The following SEZ6 variants were observed in gnomAD, a reference collection of about 807,000 sequenced individuals.
The protein encoded by SEZ6 is seizure related 6 homolog, also known as seizure protein 6 homolog.
Under a neutral mutation model 101.0 loss-of-function variants are expected in SEZ6, and 53 were observed. That is an observed-to-expected ratio of 0.52 (90% confidence interval 0.42 to 0.66). The LOEUF (loss-of-function observed/expected upper bound fraction) is 0.66. Among genes scored for constraint, SEZ6 ranks in the 30% least tolerant of loss-of-function variants. The probability of loss-of-function intolerance (pLI) is 0.00; values close to 1 mark genes in which losing one functional copy is unlikely to be tolerated. For missense variants in SEZ6, 1,102 were observed against 1,289.4 expected (o/e 0.85, Z 2.23); for synonymous variants, 488 against 512.2 (o/e 0.95, Z 0.64).
intron 1 of SEZ6, among the ~76,000 whole-genome samples, chr17:28,994,089 C>T (rs2041503294): frequency 6.6e-6 from 1 of 152,196 alleles, no homozygotes; most frequent in Non-Finnish European, 1.5e-5. Flanking sequence ...GAGCTCTGGC[C>T]ACTCCCTACC....
In SEZ6 at chr17:28,981,532, G is replaced by A; in HGVS notation, c.563C>T (p.Pro188Leu). The change falls in exon 2 of 17, where the codon CCT becomes CTT. Residue 188 changes from proline (P) to leucine (L), a missense_variant. Transcript: ENST00000317338. ...SRAWTPTQEG[P>L]GDMGRPWVAE... is the part of the protein sequence containing the mutation. ...AACCCACGGCCTTCCCATGTCTCCA[G>A]GACCCTCTTGGGTTGGTGTCCAGGC... is the stretch of plus-strand genomic sequence containing the variant. 2 of 1,612,266 alleles carry A rather than the reference G, an allele frequency of 1.2e-6. No individual in the cohort carries two copies. Among genetic ancestry groups the A allele is most frequent in the Non-Finnish European group, 1.7e-6 (2 of 1,179,188 alleles).
At chr17:28,979,514 C>T (rs1005696628) in intron 3 of SEZ6, among the ~76,000 whole-genome samples, 166 bp downstream of exon 3, 35 of 152,370 alleles carry the variant, frequency 2.3e-4, no homozygotes, top group African/African-American at 7.7e-4. Flanking sequence ...GCCAAACACA[C>T]GGGGCAGAAT....
intron 1 of SEZ6, among the ~76,000 whole-genome samples, chr17:28,984,713 G>A (rs2041353839): frequency 2.0e-5 from 3 of 152,198 alleles, no homozygotes; most frequent in Admixed American, 1.3e-4. Context: ...ATAACCTCTG[G>A]GAGACAAGCC....
intron 1 of SEZ6, among the ~76,000 whole-genome samples, chr17:28,991,293 C>T (rs1338193784): frequency 1.3e-5 from 2 of 152,214 alleles, no homozygotes; most frequent in Non-Finnish European, 1.5e-5. Flanking sequence ...CAACCTCCGC[C>T]TCCTGGGTTC....
chr17:28,981,705 G>A lies in SEZ6; in HGVS notation c.390C>T (p.Pro130=), dbSNP rs1239490791. Residue 130 remains proline, a synonymous_variant, in exon 2 of 17, where the codon CCC becomes CCT. Transcript: ENST00000317338. ...GTCCCTCCTTGGACTGGGGCTGAGT[G>A]GGTACCGCAGCCATGGCTGGAGTGG... ...TSPTPAMAAV[P]TQPQSKEGPW... The A allele has an allele frequency of 6.3e-7, 1 of 1,590,340 alleles. No individual in the cohort carries two copies.
At position 28,955,654 on chromosome 17, in the gene SEZ6, C is replaced by T. The variant is rs1463343455; in HGVS notation, c.*308G>A. 1.7e-6 allele frequency: 1 copy of T among 605,984 alleles called. No individual in the cohort carries two copies. Among genetic ancestry groups the T allele is most frequent in the African/African-American group, 1.8e-5 (1 of 54,956 alleles). 37.5% of individuals were successfully genotyped at this position (605,984 alleles called of 1,614,324 possible). On this transcript the variant is annotated 3_prime_UTR_variant, in exon 17 of 17. Coordinates refer to ENST00000317338, the MANE Select transcript of SEZ6 (RefSeq NM_178860.5). ...CTCTGCTAGTGTGTTCCAGGCTGGT[C>T]CAGGGCATGAGGAGGCTCAGGATGC...
At position 28,959,590 on chromosome 17, in the gene SEZ6, C is replaced by A; in HGVS notation, c.1771+108G>T. ...CCCCCCACCTCCTCCTTGGAGGAAGCCTGAACCACGCATATCACAGGGCCC... is the reference window on the plus strand; with the variant it reads ...CCCCCCACCTCCTCCTTGGAGGAAGACTGAACCACGCATATCACAGGGCCC... On this transcript the variant is annotated intron_variant, in intron 8 of 16. Coordinates refer to ENST00000317338, the MANE Select transcript of SEZ6 (RefSeq NM_178860.5). This position sits in a 1 kb window ranked among gnomAD's most constrained non-coding sequence, Gnocchi z 4.4. The A allele has an allele frequency of 1.9e-6, 3 of 1,541,130 alleles. No homozygotes were observed. Among genetic ancestry groups the A allele is most frequent in the Admixed American group, 1.8e-5 (1 of 55,802 alleles).
Position 28,959,022 on chromosome 17 carries a change from C to A in SEZ6, c.2107+3G>T. On this transcript the variant is annotated splice_donor_region_variant and intron_variant, in intron 10 of 16. Transcript: ENST00000317338. This position sits in a 1 kb window ranked among gnomAD's most constrained non-coding sequence, Gnocchi z 4.4. ...ACTCTGAGTGGGGTAGGGACAAGCT[C>A]ACCAAAGAAGTGGATGACGAAGCCC... The A allele has an allele frequency of 1.2e-6, 2 of 1,609,606 alleles. No individual in the cohort carries two copies. The highest frequency in any genetic ancestry group is 1.7e-6 in the Non-Finnish European group (2 of 1,177,400).
rs576240861 is a variant in SEZ6 at position 28,982,114 on chromosome 17, G to T, written c.56-75C>A. On this transcript the variant is annotated intron_variant, in intron 1 of 16. Transcript: ENST00000317338. ...GCATCACGCCCAACTCGAGTAGTGGGGGGGCCCGCTCTCTTTTGACAGACA... is the reference window on the plus strand; with the variant it reads ...GCATCACGCCCAACTCGAGTAGTGGTGGGGCCCGCTCTCTTTTGACAGACA... The T allele has an allele frequency of 4.2e-5, 62 of 1,475,510 alleles. No homozygotes were observed. The East Asian group carries it at 6.8e-4, about 16-fold the overall frequency. The allele number at this position is 1,475,510 out of a possible 1,614,324, so 91.4% of individuals were successfully genotyped here. A position where few individuals can be genotyped will look rare whatever the true frequency, so the allele number is the denominator to read the frequency against.
intron 3 of SEZ6, among the ~76,000 whole-genome samples, chr17:28,974,204 A>G (rs1366163470): frequency 6.6e-6 from 1 of 152,186 alleles, no homozygotes; most frequent in Non-Finnish European, 1.5e-5. Context: ...AGATGAGCTC[A>G]AAGATGACTC....
chr17:28,977,827 G>A (rs2041244380), intron 3 of SEZ6, among the ~76,000 whole-genome samples: 1 of 152,234 alleles, frequency 6.6e-6, no homozygotes, highest in Admixed American at 6.5e-5. Context: ...GCCACAGCCG[G>A]TGCCACCTCT....
At chr17:28,970,643 C>A (rs1474088343) in intron 3 of SEZ6, among the ~76,000 whole-genome samples, 1 of 152,226 alleles carries the variant, frequency 6.6e-6, no homozygotes, top group Non-Finnish European at 1.5e-5. Flanking sequence ...ACCTAGATCA[C>A]CGCAGCAGCC....
In SEZ6 at chr17:28,955,782, T is replaced by C; in HGVS notation, c.*180A>G. 1 of 758,914 alleles carries C rather than the reference T, an allele frequency of 1.3e-6. No individual in the cohort carries two copies. The highest frequency in any genetic ancestry group is 2.3e-6 in the Non-Finnish European group (1 of 433,590). The allele number at this position is 758,914 out of a possible 1,614,324, so 47.0% of individuals were successfully genotyped here. A position where few individuals can be genotyped will look rare whatever the true frequency, so the allele number is the denominator to read the frequency against. The stretch of plus-strand genomic sequence containing the variant: ...CAAGTGGGCAATGACACCAAGAAAA[T>C]AGGCCATGGTGGGCATCGCAGGCGG... On this transcript the variant is annotated 3_prime_UTR_variant, in exon 17 of 17. Coordinates refer to ENST00000317338, the MANE Select transcript of SEZ6 (RefSeq NM_178860.5).
At position 28,959,531 on chromosome 17, in the gene SEZ6, A is replaced by T; in HGVS notation, c.1772-59T>A. 6.3e-7 allele frequency: 1 copy of T among 1,589,290 alleles called. No individual in the cohort carries two copies. Among genetic ancestry groups the T allele is most frequent in the Non-Finnish European group, 8.6e-7 (1 of 1,169,342 alleles). ...CAAGCTTACCATGGTGTTGCTTACC[A>T]TCTGCCCGCAGGAGTGCCCACAAAT... On this transcript the variant is annotated intron_variant, in intron 8 of 16. Transcript: ENST00000317338. This position sits in a 1 kb window ranked among gnomAD's most constrained non-coding sequence, Gnocchi z 4.4.
chr17:28,996,001 C>G lies in SEZ6; in HGVS notation c.55+9814G>C, dbSNP rs1049998490. On this transcript the variant is annotated intron_variant, in intron 1 of 16. Coordinates refer to ENST00000317338, the MANE Select transcript of SEZ6 (RefSeq NM_178860.5). Reference sequence around the variant, plus strand: ...TGTGTGGGAGACACAGAAGCTCCAGCCTTATTTCCTTTTTTTTTTTGGAGA... The same window carrying G: ...TGTGTGGGAGACACAGAAGCTCCAGGCTTATTTCCTTTTTTTTTTTGGAGA... 6.6e-5 allele frequency among the ~76,000 whole-genome samples: 10 copies of G among 152,076 alleles called. No individual in the cohort carries two copies. The East Asian group carries it at 1.7e-3, about 27-fold the overall frequency.
At chr17:28,981,316 C>A in intron 2 of SEZ6, 55 bp downstream of exon 2, 1 of 1,498,866 alleles carries the variant, frequency 6.7e-7, no homozygotes, top group Admixed American at 2.1e-5. Context: ...CTTTTAGGGG[C>A]CCCGCAGCCT....
At chr17:28,995,090 G>C (rs1391813379) in intron 1 of SEZ6, among the ~76,000 whole-genome samples, 2 of 151,704 alleles carry the variant, frequency 1.3e-5, no homozygotes, top group Admixed American at 6.6e-5. Context: ...AGCCAGGATG[G>C]TCTCGATCTC....
chr17:28,969,232 G>T (rs1249614874), intron 4 of SEZ6, among the ~76,000 whole-genome samples: 1 of 152,126 alleles, frequency 6.6e-6, no homozygotes, highest in Non-Finnish European at 1.5e-5. Flanking sequence ...TGGGGCATGG[G>T]CCAGGTCAAG....
Position 28,969,943 on chromosome 17 carries a change from T to C in SEZ6, c.868A>G (p.Ile290Val). The change falls in exon 4 of 17, where the codon ATC becomes GTC. Residue 290 changes from isoleucine to valine, a missense_variant. Around this residue, in one of 3 missense-constraint regions of SEZ6, gnomAD observed 406 missense variants for 418.6 expected, o/e 0.97. Transcript: ENST00000317338. Reference protein sequence around the residue: ...GYGVEIKVQNISLREGETVTV... With the variant: ...GYGVEIKVQNVSLREGETVTV... Reference sequence around the variant, plus strand: ...ACTGTCTCCCCTTCCCGGAGGCTGATATTCTGGACCTGTCAGTAGAGTAGA... The same window carrying C: ...ACTGTCTCCCCTTCCCGGAGGCTGACATTCTGGACCTGTCAGTAGAGTAGA... The C allele has an allele frequency of 6.5e-7, 1 of 1,537,618 alleles. No individual in the cohort carries two copies. Among genetic ancestry groups the C allele is most frequent in the Non-Finnish European group, 8.7e-7 (1 of 1,152,050 alleles).
Sources: gnomAD v4.1 joint callset for allele counts (sites outside exome capture counted in the v4.1 genomes callset) on GRCh38, gnomAD v4.1.1 for gene constraint, gnomAD v4.1.1 regional missense constraint, Gnocchi (gnomAD v3.1) non-coding constraint, MANE v1.5 for transcripts, NCBI Gene and HGNC (gene_info 2026-07-23, HGNC 2026-07-21) for gene names.